The following SCGB2B2 variants were observed in gnomAD, a reference collection of about 807,000 sequenced individuals.
SCGB2B2 encodes the protein secretoglobin-like protein.
A neutral mutation model predicts 7.6 loss-of-function variants in SCGB2B2; 11 were observed. The observed-to-expected ratio is 1.45, with a 90% confidence interval of 0.91 to 2.40. The LOEUF is 2.40. SCGB2B2 is among the 30% of genes most tolerant of loss of function. The pLI, the probability that SCGB2B2 is intolerant of heterozygous loss-of-function variation, is 0.00. For missense variants in SCGB2B2, 104 were observed against 115.4 expected (o/e 0.90, Z 0.45); for synonymous variants, 50 against 48.6 (o/e 1.03, Z -0.12).
chr19:34,612,408 G>A (rs2065958225), intron 1 of SCGB2B2, among the ~76,000 whole-genome samples: 1 of 152,206 alleles, frequency 6.6e-6, no homozygotes, highest in Middle Eastern at 3.4e-3. Flanking sequence ...TATGATATTG[G>A]ATGCATGCAT....
intron 1 of SCGB2B2, among the ~76,000 whole-genome samples, chr19:34,639,120 A>C (rs554371302): frequency 6.6e-6 from 1 of 152,188 alleles, no homozygotes; most frequent in Non-Finnish European, 1.5e-5. Context: ...TTTTCCTTAC[A>C]GGAAAATCCA....
At chr19:34,654,348 G>C (rs757095632) in intron 1 of SCGB2B2, among the ~76,000 whole-genome samples, 1 of 151,062 alleles carries the variant, frequency 6.6e-6, no homozygotes, top group Non-Finnish European at 1.5e-5. Context: ...TTTATGTAAA[G>C]CTAATGAGAG....
chr19:34,594,336 T>G lies in SCGB2B2; in HGVS notation c.85A>C (p.Lys29Gln). 1 of 1,614,086 alleles carries G rather than the reference T, an allele frequency of 6.2e-7. No individual in the cohort carries two copies. Among genetic ancestry groups the G allele is most frequent in the Non-Finnish European group, 8.5e-7 (1 of 1,179,994 alleles). ...TCAAACACAACATTCGCAAGCAGTT[T>G]ATCGATATCCAGGCAGGCATCCCCT... ...QLGDACLDID[K>Q]LLANVVFDVS... Residue 29 changes from lysine to glutamine, a missense_variant, in exon 3 of 4, where the codon AAA (lysine) becomes CAA (glutamine). Transcript: ENST00000601241.
intron 1 of SCGB2B2, among the ~76,000 whole-genome samples, chr19:34,624,622 C>G (rs909442443): frequency 6.6e-6 from 1 of 152,156 alleles, no homozygotes; most frequent in African/African-American, 2.4e-5. Context: ...ATAGGAAAGT[C>G]TGGAAGTCCT....
At chr19:34,617,967 G>C (rs2066134198) in intron 1 of SCGB2B2, among the ~76,000 whole-genome samples, 1 of 152,240 alleles carries the variant, frequency 6.6e-6, no homozygotes, top group Admixed American at 6.5e-5. Flanking sequence ...TCCCGAGTGA[G>C]GCAATGCCTC....
At position 34,594,814 on chromosome 19, in the gene SCGB2B2, T is replaced by G; in HGVS notation, c.-251A>C. Reference sequence around the variant, plus strand: ...ATGCAGTGGGAGGGGTTGGGTGTTGTGACATTCTCTCTGTCCTCCCTGGAG... The same window carrying G: ...ATGCAGTGGGAGGGGTTGGGTGTTGGGACATTCTCTCTGTCCTCCCTGGAG... On this transcript the variant is annotated 5_prime_UTR_variant, in exon 2 of 4. Coordinates refer to ENST00000601241, the MANE Select transcript of SCGB2B2 (RefSeq NM_001025591.4). 1 of 535,320 alleles carries G rather than the reference T, an allele frequency of 1.9e-6. No individual in the cohort carries two copies. The highest frequency in any genetic ancestry group is 2.0e-5 in the South Asian group (1 of 49,256). The allele number at this position is 535,320 out of a possible 1,614,324, so 33.2% of individuals were successfully genotyped here.
In SCGB2B2 at chr19:34,624,054, G is replaced by A. The variant is rs2066306369; in HGVS notation, c.-2031-27460C>T. On this transcript the variant is annotated intron_variant, in intron 1 of 3. Coordinates refer to ENST00000601241, the MANE Select transcript of SCGB2B2 (RefSeq NM_001025591.4). ...AGGTTTTGGGAAAAGGGTCAATATG[G>A]CCCCCCAACACAGAAAAATCCTATT... is the stretch of plus-strand genomic sequence containing the variant. 2.0e-5 allele frequency among the ~76,000 whole-genome samples: 3 copies of A among 152,174 alleles called. No homozygotes were observed. In the South Asian group the frequency reaches 6.2e-4, roughly 32 times the overall value.
chr19:34,622,847 A>G (rs1202693318), intron 1 of SCGB2B2, among the ~76,000 whole-genome samples: 1 of 152,028 alleles, frequency 6.6e-6, no homozygotes, highest in African/African-American at 2.4e-5. Context: ...AATTGAAATG[A>G]GAGATAGAAA....
intron 1 of SCGB2B2, among the ~76,000 whole-genome samples, chr19:34,612,022 C>CTTTTTT (rs753968261): frequency 2.4e-5 from 1 of 41,766 alleles, no homozygotes; most frequent in East Asian, 7.0e-4. Context: ...TTAGAAAATT[C>CTTTTTT]TTTTTTTTTT....
chr19:34,630,783 T>A (rs1357284505), intron 1 of SCGB2B2, among the ~76,000 whole-genome samples: 1 of 152,146 alleles, frequency 6.6e-6, no homozygotes, highest in Non-Finnish European at 1.5e-5. Context: ...CAAAGGATTA[T>A]AAATCATGCT....
intron 1 of SCGB2B2, among the ~76,000 whole-genome samples, chr19:34,599,018 T>C (rs1383405702): frequency 6.6e-6 from 1 of 152,372 alleles, no homozygotes; most frequent in East Asian, 1.9e-4. Flanking sequence ...ACCTGGAGAA[T>C]GGCCTGCCCC....
In SCGB2B2 at chr19:34,593,076, A is replaced by T. The variant is rs924955622; in HGVS notation, c.*479T>A. ...AGTGGCTCATGCCTCTAACCCTAGC[A>T]CGTTGGAGGTTGAGGTAGGTGGATC... is the stretch of plus-strand genomic sequence containing the variant. On this transcript the variant is annotated 3_prime_UTR_variant, in exon 4 of 4. Transcript: ENST00000601241. 1.2e-4 allele frequency among the ~76,000 whole-genome samples: 18 copies of T among 152,300 alleles called. No homozygotes were observed. The highest frequency in any genetic ancestry group is 4.1e-4 in the African/African-American group (17 of 41,568).
chr19:34,619,716 C>T (rs189745607), intron 1 of SCGB2B2, among the ~76,000 whole-genome samples: 2 of 152,282 alleles, frequency 1.3e-5, no homozygotes, highest in East Asian at 3.9e-4. Flanking sequence ...AGGCCACCAG[C>T]ATGAAAAGAC....
At position 34,648,988 on chromosome 19, in the gene SCGB2B2, C is replaced by G. The variant is rs538861676; in HGVS notation, c.-2032+26642G>C. The stretch of plus-strand genomic sequence containing the variant: ...TGCGATCTCAACTCACTGCAACCTC[C>G]GGCTCCCGGGTTCAAGCGATTCTCC... On this transcript the variant is annotated intron_variant, in intron 1 of 3. Coordinates refer to ENST00000601241, the MANE Select transcript of SCGB2B2 (RefSeq NM_001025591.4). Among the ~76,000 whole-genome samples, 37 of 152,172 alleles carry G rather than the reference C, an allele frequency of 2.4e-4. No homozygotes were observed. In the Middle Eastern group the frequency reaches 0.014, roughly 56 times the overall value.
At chr19:34,618,947 A>G (rs920521758) in intron 1 of SCGB2B2, among the ~76,000 whole-genome samples, 8 of 152,244 alleles carry the variant, frequency 5.3e-5, no homozygotes, top group African/African-American at 1.9e-4. Context: ...AATTATTTAA[A>G]GTCATAGAAG....
At chr19:34,649,363 GA>G (rs1246091823) in intron 1 of SCGB2B2, among the ~76,000 whole-genome samples, 2 of 152,146 alleles carry the variant, frequency 1.3e-5, no homozygotes, top group Non-Finnish European at 2.9e-5. Context: ...TCACAGATTT[GA>G]GGCTCTGGGT....
intron 1 of SCGB2B2, among the ~76,000 whole-genome samples, chr19:34,639,323 A>G (rs1294650312): frequency 6.6e-6 from 1 of 152,190 alleles, no homozygotes; most frequent in Non-Finnish European, 1.5e-5. Context: ...TCTAGACATC[A>G]CTACCACTTG....
intron 1 of SCGB2B2, among the ~76,000 whole-genome samples, chr19:34,671,512 A>C (rs900523637): frequency 1.3e-5 from 2 of 152,042 alleles, no homozygotes; most frequent in African/African-American, 2.4e-5. Flanking sequence ...TTATTTTCTA[A>C]TAAAAGCATC....
At chr19:34,601,556 A>G (rs1200086527) in intron 1 of SCGB2B2, among the ~76,000 whole-genome samples, 1 of 151,588 alleles carries the variant, frequency 6.6e-6, no homozygotes, top group East Asian at 1.9e-4. Context: ...GAATGTATTA[A>G]TTTATTTATT....
Sources: gnomAD v4.1 joint callset for allele counts (sites outside exome capture counted in the v4.1 genomes callset) on GRCh38, gnomAD v4.1.1 for gene constraint, MANE v1.5 for transcripts, NCBI Gene and HGNC (gene_info 2026-07-23, HGNC 2026-07-21) for gene names.